WWOX: variants seen among roughly 807,000 people sequenced by gnomAD.
WWOX encodes the protein WW domain containing oxidoreductase, also known as WW domain-containing oxidoreductase.
A neutral mutation model predicts 46.2 loss-of-function variants in WWOX; 69 were observed. That is an observed-to-expected ratio of 1.49 (90% CI 1.23 to 1.82). WWOX has a LOEUF of 1.82. Among genes scored for constraint, WWOX ranks in the 40% most tolerant of loss-of-function variants. The pLI is 0.00. For synonymous variants in WWOX, 359 were observed against 202.6 expected (o/e 1.77, Z -6.56); for missense variants, 919 against 542.6 (o/e 1.69, Z -6.89).
chr16:78,652,422 A>G (rs1394262820), intron 8 of WWOX, among the ~76,000 whole-genome samples: 9 of 150,682 alleles, frequency 6.0e-5, no homozygotes, highest in African/African-American at 2.2e-4. Context: ...AAAAAAAAAA[A>G]AAAAAAAAAG....
chr16:78,667,739 C>G lies in WWOX; in HGVS notation c.1056+234987C>G, dbSNP rs142479946. The stretch of plus-strand genomic sequence containing the variant: ...AATATTGATGAGAACACCCATTACT[C>G]TGCTCATTGTTCAAATGAACTCATT... On this transcript the variant is annotated intron_variant, in intron 8 of 8. Transcript: ENST00000566780. Among the ~76,000 whole-genome samples, 1,066 of 151,098 alleles carry G rather than the reference C, an allele frequency of 7.1e-3. 17 individuals carry two copies. The highest frequency in any genetic ancestry group is 0.024 in the African/African-American group (986 of 41,228).
At chr16:79,013,994 T>C (rs1411010218) in intron 8 of WWOX, among the ~76,000 whole-genome samples, 1 of 152,136 alleles carries the variant, frequency 6.6e-6, no homozygotes, top group East Asian at 1.9e-4. Flanking sequence ...CTCTCCTCCT[T>C]TTGTCAGTTG....
At position 78,387,842 on chromosome 16, in the gene WWOX, C is replaced by T. The variant is rs144882996; in HGVS notation, c.605+894C>T. The stretch of plus-strand genomic sequence containing the variant: ...TAAGTTAATAATAGCACAGGTTGTG[C>T]GAAGGATAAGATAATTACACAAGAG... On this transcript the variant is annotated intron_variant, in intron 6 of 8. Transcript: ENST00000566780. Among the ~76,000 whole-genome samples the T allele has an allele frequency of 2.0e-4, 30 of 151,892 alleles. No individual in the cohort carries two copies. The East Asian group carries it at 4.7e-3, about 24-fold the overall frequency.
chr16:78,543,848 C>CTTATGACTCTGAAACCCTGT (rs1254569598), intron 8 of WWOX, among the ~76,000 whole-genome samples: 5 of 152,142 alleles, frequency 3.3e-5, no homozygotes, highest in Non-Finnish European at 7.4e-5. Flanking sequence ...TGTCTTCCTG[C>CTTATGACTCTGAAACCCTGT]TTATGACTCT....
intron 8 of WWOX, among the ~76,000 whole-genome samples, chr16:79,199,017 C>T (rs981599169): frequency 6.6e-6 from 1 of 152,096 alleles, no homozygotes; most frequent in Non-Finnish European, 1.5e-5. Flanking sequence ...GCTCTTTGAC[C>T]TAGGCAGAAA....
At chr16:78,141,264 C>T (rs943886474) in intron 4 of WWOX, among the ~76,000 whole-genome samples, 28 of 152,078 alleles carry the variant, frequency 1.8e-4, no homozygotes, top group African/African-American at 5.1e-4. Flanking sequence ...ATTTCCACTG[C>T]GGAGATGGTA....
intron 8 of WWOX, among the ~76,000 whole-genome samples, chr16:78,637,086 G>A (rs940058836): frequency 8.5e-5 from 13 of 152,124 alleles, no homozygotes; most frequent in African/African-American, 2.7e-4. Flanking sequence ...AAAATAAACT[G>A]CATGCATGCA....
chr16:78,421,996 A>G (rs532611872), intron 6 of WWOX, among the ~76,000 whole-genome samples: 5 of 152,316 alleles, frequency 3.3e-5, no homozygotes, highest in South Asian at 2.1e-4. Flanking sequence ...TACAAATATA[A>G]TAGTATGAAT....
At chr16:78,278,698 A>G (rs552991446) in intron 5 of WWOX, 4 of 1,558,754 alleles carry the variant, frequency 2.6e-6, no homozygotes, top group East Asian at 2.3e-5. Flanking sequence ...AGTCTCATCA[A>G]TTACATCTTC....
intron 8 of WWOX, among the ~76,000 whole-genome samples, chr16:78,686,540 C>A (rs901876657): frequency 1.3e-5 from 2 of 151,658 alleles, no homozygotes; most frequent in Non-Finnish European, 2.9e-5. Flanking sequence ...GTTAGAAATG[C>A]ATATTTTCTG....
chr16:79,097,131 G>A (rs576996557), intron 8 of WWOX, among the ~76,000 whole-genome samples: 3 of 151,976 alleles, frequency 2.0e-5, no homozygotes, highest in Non-Finnish European at 4.4e-5. Flanking sequence ...TACTCGTTAT[G>A]GACAGGAATA....
At chr16:78,729,696 GTGTAGGCACCCAGTT>G (rs1597504813) in intron 8 of WWOX, among the ~76,000 whole-genome samples, 1 of 152,184 alleles carries the variant, frequency 6.6e-6, no homozygotes, top group African/African-American at 2.4e-5. Flanking sequence ...TTTCTGTTGT[GTGTAGGCACCCAGTT>G]TGTGGTAATT....
intron 8 of WWOX, among the ~76,000 whole-genome samples, chr16:79,033,735 C>G (rs79030544): frequency 1.3e-5 from 2 of 152,202 alleles, no homozygotes; most frequent in African/African-American, 4.8e-5. Context: ...CAAGCCCAGC[C>G]CCTGGCAACC....
chr16:78,384,508 C>T (rs922089138), intron 5 of WWOX, among the ~76,000 whole-genome samples: 1 of 152,116 alleles, frequency 6.6e-6, no homozygotes, highest in Non-Finnish European at 1.5e-5. Flanking sequence ...GAGGTACACA[C>T]CTTTCACGGG....
chr16:78,569,858 C>T lies in WWOX; in HGVS notation c.1056+137106C>T, dbSNP rs145543268. ...TCGTAATATGATGTGACCTCATCGA[C>T]AGGCTGCTGCTTCTAGCTCATCATC... is the stretch of plus-strand genomic sequence containing the variant. On this transcript the variant is annotated intron_variant, in intron 8 of 8. Coordinates refer to ENST00000566780, the MANE Select transcript of WWOX (RefSeq NM_016373.4). Among the ~76,000 whole-genome samples the T allele has an allele frequency of 5.1e-3, 774 of 152,332 alleles. 12 individuals are homozygous for T. Among genetic ancestry groups the T allele is most frequent in the African/African-American group, 0.018 (745 of 41,582 alleles).
intron 5 of WWOX, among the ~76,000 whole-genome samples, chr16:78,247,786 C>G (rs2037858914): frequency 6.6e-6 from 1 of 152,152 alleles, no homozygotes; most frequent in African/African-American, 2.4e-5. Context: ...TTACCTTTCA[C>G]CCACCTGTGC....
chr16:78,550,306 A>G (rs1466342124), intron 8 of WWOX, among the ~76,000 whole-genome samples: 2 of 152,224 alleles, frequency 1.3e-5, no homozygotes, highest in East Asian at 1.9e-4. Context: ...GGTTCACATG[A>G]TAAATATTTT....
intron 4 of WWOX, among the ~76,000 whole-genome samples, chr16:78,122,816 G>T (rs1258509723): frequency 6.6e-6 from 1 of 152,084 alleles, no homozygotes; most frequent in Non-Finnish European, 1.5e-5. Flanking sequence ...TGTTGGCCAA[G>T]CTGGTCTTGA....
intron 8 of WWOX, among the ~76,000 whole-genome samples, chr16:79,146,326 G>C (rs1003064853): frequency 6.6e-6 from 1 of 152,078 alleles, no homozygotes. Context: ...AGCCTTCTTT[G>C]ATGCCCCGTC....
Sources: gnomAD v4.1 joint callset for allele counts (sites outside exome capture counted in the v4.1 genomes callset) on GRCh38, gnomAD v4.1.1 for gene constraint, MANE v1.5 for transcripts, NCBI Gene and HGNC (gene_info 2026-07-23, HGNC 2026-07-21) for gene names.